Variants in QTGAL observed in about 807,000 individuals in gnomAD.
QTGAL encodes BGnT-like protein 1.
At chr17:82,971,051 C>A in the QTGAL span, among the ~76,000 whole-genome samples, 3 of 152,132 alleles carry the variant, frequency 2.0e-5, no homozygotes, top group Admixed American at 1.3e-4. Context: ...GCTCACTCAG[C>A]GCTGTGGGAG....
chr17:83,038,072 G>A, the QTGAL span, among the ~76,000 whole-genome samples: 9 of 152,256 alleles, frequency 5.9e-5, no homozygotes, highest in East Asian at 1.9e-4. Context: ...GTGGGGCTCC[G>A]TTAGTGCATG....
the QTGAL span, among the ~76,000 whole-genome samples, chr17:83,044,672 G>A: frequency 2.6e-5 from 4 of 152,358 alleles, no homozygotes; most frequent in South Asian, 4.1e-4. Context: ...AGCCAGGCGC[G>A]GCGGCTCACG....
the QTGAL span, among the ~76,000 whole-genome samples, chr17:83,035,607 TAAAAC>T: frequency 6.6e-6 from 1 of 151,834 alleles, no homozygotes; most frequent in Non-Finnish European, 1.5e-5. Context: ...AGAACAAGGA[TAAAAC>T]ACAGAGTCCA....
the QTGAL span, among the ~76,000 whole-genome samples, chr17:83,025,576 C>T: frequency 7.3e-6 from 1 of 137,716 alleles, no homozygotes; most frequent in East Asian, 2.2e-4. Context: ...GCGGAGAGTC[C>T]ACACACACAT....
chr17:83,029,540 T>G, the QTGAL span, among the ~76,000 whole-genome samples: 2 of 152,124 alleles, frequency 1.3e-5, no homozygotes, highest in African/African-American at 4.8e-5. Context: ...AGGTGGCAGG[T>G]CCATGGGTGT....
the QTGAL span, among the ~76,000 whole-genome samples, chr17:83,033,273 C>T: frequency 1.0e-3 from 154 of 152,286 alleles, no homozygotes; most frequent in African/African-American, 3.3e-3. Flanking sequence ...ACTTCTCCAC[C>T]GTGACCCTCC....
the QTGAL span, among the ~76,000 whole-genome samples, chr17:82,982,567 C>T: frequency 0.32 from 40,750 of 125,680 alleles, 5,683 homozygotes; most frequent in African/African-American, 0.45. Flanking sequence ...CGTGAGGACA[C>T]GGTGAGAACC....
At chr17:83,027,612 G>C in the QTGAL span, among the ~76,000 whole-genome samples, 1 of 150,500 alleles carries the variant, frequency 6.6e-6, no homozygotes, top group Non-Finnish European at 1.5e-5. Flanking sequence ...TGAGACAGGA[G>C]GATTGCTTGT....
At chr17:83,046,208 C>T in the QTGAL span, among the ~76,000 whole-genome samples, 2 of 152,160 alleles carry the variant, frequency 1.3e-5, no homozygotes, top group Non-Finnish European at 2.9e-5. Context: ...CGGCTCACTG[C>T]AACCTCTGCC....
the QTGAL span, among the ~76,000 whole-genome samples, chr17:83,041,181 G>A: frequency 9.8e-3 from 1,485 of 152,098 alleles, 26 homozygotes; most frequent in African/African-American, 0.034. Context: ...GAGATAGATG[G>A]GTAAGTCTGA....
the QTGAL span, among the ~76,000 whole-genome samples, chr17:82,986,012 T>C: frequency 2.0e-5 from 3 of 152,180 alleles, no homozygotes; most frequent in Non-Finnish European, 2.9e-5. Flanking sequence ...GCTGAGTGCC[T>C]GGGATCAAAG....
chr17:83,001,881 C>T, the QTGAL span, among the ~76,000 whole-genome samples: 2 of 152,060 alleles, frequency 1.3e-5, no homozygotes, highest in African/African-American at 4.8e-5. Flanking sequence ...GTGATCCTCC[C>T]ACCTCAGCCT....
chr17:83,044,116 GA>G, the QTGAL span, among the ~76,000 whole-genome samples: 201 of 152,206 alleles, frequency 1.3e-3, no homozygotes, highest in Middle Eastern at 0.01. Context: ...AAAACAAGAG[GA>G]AGAAACACTT....
At chr17:82,954,502 A>G in the QTGAL span, among the ~76,000 whole-genome samples, 2 of 150,718 alleles carry the variant, frequency 1.3e-5, no homozygotes, top group Non-Finnish European at 1.5e-5. Flanking sequence ...AAACAAATGG[A>G]AAAAAAAAAT....
the QTGAL span, among the ~76,000 whole-genome samples, chr17:83,011,259 G>A: frequency 9.8e-5 from 15 of 152,326 alleles, no homozygotes; most frequent in Admixed American, 3.9e-4. Context: ...GGCGCAATGC[G>A]GGTTCCCTGT....
the QTGAL span, among the ~76,000 whole-genome samples, chr17:82,988,432 G>A: frequency 4.7e-3 from 717 of 152,124 alleles, 10 homozygotes; most frequent in Admixed American, 0.029. Flanking sequence ...AATACCATTC[G>A]GGACATAGGC....
the QTGAL span, chr17:82,946,848 A>G: frequency 6.7e-7 from 1 of 1,485,284 alleles, no homozygotes; most frequent in East Asian, 2.5e-5. Context: ...AAAGAAACAA[A>G]CCCAGATGGT....
chr17:82,942,307 G>C, the QTGAL span: 1 of 1,199,990 alleles, frequency 8.3e-7, no homozygotes, highest in Non-Finnish European at 1.2e-6. Context: ...TCAGGCTGCC[G>C]GGTGTGTGGG....
chr17:83,046,568 C>A, the QTGAL span, among the ~76,000 whole-genome samples: 5 of 152,188 alleles, frequency 3.3e-5, no homozygotes, highest in African/African-American at 4.8e-5. Context: ...ATTTAAAAAA[C>A]AGAAAATAAC....
Sources: gnomAD v4.1 joint callset for allele counts (sites outside exome capture counted in the v4.1 genomes callset) on GRCh38, gnomAD v4.1.1 for gene constraint, MANE v1.5 for transcripts, NCBI Gene and HGNC (gene_info 2026-07-23, HGNC 2026-07-21) for gene names.